Variants in ADGRG5 observed in about 807,000 individuals in gnomAD.
ADGRG5 encodes the protein adhesion G protein-coupled receptor G5.
ADGRG5 carries 37 observed loss-of-function variants against 53.2 expected under a neutral mutation model. The observed-to-expected ratio is 0.70, with a 90% CI of 0.53 to 0.91. The LOEUF (loss-of-function observed/expected upper bound fraction) is 0.91. ADGRG5 is among the 40% of genes least tolerant of loss of function. The pLI is 0.00. For synonymous variants in ADGRG5, 277 were observed against 290.4 expected (o/e 0.95, Z 0.47); for missense variants, 614 against 675.8 (o/e 0.91, Z 1.01).
At chr16:57,561,519 C>A (rs1374565886) in intron 1 of ADGRG5, among the ~76,000 whole-genome samples, 1 of 152,144 alleles carries the variant, frequency 6.6e-6, no homozygotes, top group African/African-American at 2.4e-5. Flanking sequence ...CTTTTCTTTC[C>A]CATTGTTCTG....
rs749992677 is a variant in ADGRG5, at chr16:57,566,574, T to C, written c.547-25T>C. On this transcript the variant is annotated intron_variant, in intron 6 of 11. Coordinates refer to ENST00000349457, the MANE Select transcript of ADGRG5 (RefSeq NM_001304376.3). ...TCTGCAGCCTTTCCTCTGCACCCTA[T>C]GACTGACCCAGCATCTCCACCCAGG... The C allele has an allele frequency of 3.4e-6, 5 of 1,471,152 alleles. No individual in the cohort carries two copies. The Admixed American group carries it at 1.2e-4, about 37-fold the overall frequency. 91.1% of individuals were successfully genotyped at this position (1,471,152 alleles called of 1,614,324 possible).
chr16:57,542,993 G>C (rs1387434207), intron 1 of ADGRG5: 1 of 152,308 alleles, frequency 6.6e-6, no homozygotes, highest in African/African-American at 2.4e-5. Context: ...GTGAAGAGAG[G>C]TTTCTTTTCT....
At position 57,568,964 on chromosome 16, in the gene ADGRG5, T is replaced by TCAC. The variant is rs555541398; in HGVS notation, c.1090+846_1090+848dup. Among the ~76,000 whole-genome samples the TCAC allele has an allele frequency of 7.6e-3, 944 of 123,526 alleles. 15 individuals carry two copies. The highest frequency in any genetic ancestry group is 0.027 in the African/African-American group (868 of 31,726). The allele number at this position is 123,526 out of a possible 152,430, so 81.0% of individuals were successfully genotyped here. A position where few individuals can be genotyped will look rare whatever the true frequency, so the allele number is the denominator to read the frequency against. Reference sequence around the variant, plus strand: ...ACCTGCTCCATCTCCTCCACCTCTATCACCACCATCATCACCTCCTCCACC... The same window carrying TCAC: ...ACCTGCTCCATCTCCTCCACCTCTATCACCACCACCATCATCACCTCCTCCACC... On this transcript the variant is annotated intron_variant, in intron 9 of 11. Transcript: ENST00000349457.
chr16:57,531,615 C>A, the ADGRG5 span, among the ~76,000 whole-genome samples: 1 of 152,166 alleles, frequency 6.6e-6, no homozygotes, highest in African/African-American at 2.4e-5. Flanking sequence ...CTGATTCCTC[C>A]CTAGCCTCAA....
intron 3 of ADGRG5, 21 bp downstream of exon 3, chr16:57,562,480 AC>A: frequency 1.3e-6 from 2 of 1,548,406 alleles, no homozygotes; most frequent in Non-Finnish European, 8.8e-7. Flanking sequence ...TGTGCCTCCC[AC>A]CCCAAGCCTG....
upstream of ADGRG5, among the ~76,000 whole-genome samples, chr16:57,541,162 C>T (rs531443106): frequency 5.1e-4 from 77 of 152,256 alleles, 1 homozygote; most frequent in Admixed American, 1.2e-3. Context: ...GGCTAAGTAA[C>T]GGGCACTAAC....
At chr16:57,567,776 G>A (rs890285452) in intron 8 of ADGRG5, 80 bp from the exon 9 acceptor site, 7 of 1,504,142 alleles carry the variant, frequency 4.7e-6, no homozygotes, top group South Asian at 1.2e-5. Flanking sequence ...TTTCCCTGTC[G>A]GCATGCACCT....
chr16:57,571,299 G>T (rs1374035860), intron 10 of ADGRG5, among the ~76,000 whole-genome samples: 1 of 152,118 alleles, frequency 6.6e-6, no homozygotes, highest in Non-Finnish European at 1.5e-5. Flanking sequence ...CCTGTTGCCA[G>T]CCCTATTTTA....
intron 1 of ADGRG5, among the ~76,000 whole-genome samples, chr16:57,555,048 A>G (rs1171939301): frequency 6.6e-6 from 1 of 152,058 alleles, no homozygotes; most frequent in Non-Finnish European, 1.5e-5. Flanking sequence ...GTGTGCTTTT[A>G]ATCCTTTTAT....
intron 1 of ADGRG5, among the ~76,000 whole-genome samples, chr16:57,558,361 A>C (rs1344366535): frequency 6.6e-6 from 1 of 152,236 alleles, no homozygotes; most frequent in Non-Finnish European, 1.5e-5. Flanking sequence ...TGTGTTCAGC[A>C]TGAGGACTTG....
At chr16:57,535,792 C>A in the ADGRG5 span, among the ~76,000 whole-genome samples, 1 of 152,186 alleles carries the variant, frequency 6.6e-6, no homozygotes, top group Non-Finnish European at 1.5e-5. Flanking sequence ...GGGAGAGGCA[C>A]TAAAAAGATT....
chr16:57,546,967 C>T (rs535409065), intron 1 of ADGRG5, among the ~76,000 whole-genome samples: 35 of 152,310 alleles, frequency 2.3e-4, no homozygotes, highest in African/African-American at 7.9e-4. Flanking sequence ...CTGCCTTGGC[C>T]TCCCAAAGTG....
the ADGRG5 span, among the ~76,000 whole-genome samples, chr16:57,535,129 A>G: frequency 6.6e-6 from 1 of 152,224 alleles, no homozygotes; most frequent in Non-Finnish European, 1.5e-5. Flanking sequence ...GAAACCACAG[A>G]GGACAGCCTG....
intron 9 of ADGRG5, among the ~76,000 whole-genome samples, chr16:57,569,665 A>G (rs2033286004): frequency 7.4e-6 from 1 of 135,994 alleles, no homozygotes; most frequent in Non-Finnish European, 1.6e-5. Flanking sequence ...CACCTCCTCC[A>G]TCTCCTCCAC....
chr16:57,559,902 C>CT (rs2032963342), intron 1 of ADGRG5, among the ~76,000 whole-genome samples: 1 of 152,148 alleles, frequency 6.6e-6, no homozygotes, highest in South Asian at 2.1e-4. Flanking sequence ...TCTATTATGA[C>CT]TATATGCATT....
chr16:57,554,431 C>T (rs1464078133), intron 1 of ADGRG5, among the ~76,000 whole-genome samples: 1 of 150,692 alleles, frequency 6.6e-6, no homozygotes, highest in Non-Finnish European at 1.5e-5. Context: ...GGTTGGAGTG[C>T]AGTGGCGCAA....
chr16:57,532,893 C>T, the ADGRG5 span, among the ~76,000 whole-genome samples: 1 of 152,146 alleles, frequency 6.6e-6, no homozygotes, highest in Admixed American at 6.5e-5. Flanking sequence ...TATGGGGGCC[C>T]GGGCCCTGTC....
At chr16:57,557,938 C>A (rs192835779) in intron 1 of ADGRG5, among the ~76,000 whole-genome samples, 2 of 152,310 alleles carry the variant, frequency 1.3e-5, no homozygotes, top group East Asian at 3.9e-4. Context: ...TATGATAGTT[C>A]CAACATTTTG....
At position 57,563,965 on chromosome 16, in the gene ADGRG5, AC is replaced by A; in HGVS notation, c.418del (p.His140ThrfsTer12). 6.2e-7 allele frequency: 1 copy of A among 1,612,604 alleles called. No homozygotes were observed. On this transcript the variant is annotated frameshift_variant, in exon 5 of 12. Transcript: ENST00000349457. LOFTEE classifies it high-confidence loss of function. Reference sequence around the variant, plus strand: ...GCTCATCTGTATCTACTTCTCCAACACCCACTTTTTCAAGGTCAGTGTGATG... The same window carrying A: ...GCTCATCTGTATCTACTTCTCCAACACCACTTTTTCAAGGTCAGTGTGATG... Reference protein sequence around the residue: ...LRLICIYFSNTHFFKDENNSS... With the variant: ...LRLICIYFSNXHFFKDENNSS...
Sources: gnomAD v4.1 joint callset for allele counts (sites outside exome capture counted in the v4.1 genomes callset) on GRCh38, gnomAD v4.1.1 for gene constraint, MANE v1.5 for transcripts, NCBI Gene and HGNC (gene_info 2026-07-23, HGNC 2026-07-21) for gene names.